LCORL: variants seen among roughly 807,000 people sequenced by gnomAD.
LCORL encodes the protein ligand dependent nuclear receptor corepressor like, also known as ligand-dependent nuclear receptor corepressor-like protein.
A neutral mutation model predicts 141.8 loss-of-function variants in LCORL; 41 were observed. That is an observed-to-expected ratio of 0.29 (90% confidence interval 0.23 to 0.38). LCORL has a LOEUF of 0.38. Among genes scored for constraint, LCORL ranks in the 10% least tolerant of loss-of-function variants. The pLI is 1.00. For missense variants in LCORL, 1,759 were observed against 2,035.0 expected (o/e 0.86, Z 2.61); for synonymous variants, 618 against 694.1 (o/e 0.89, Z 1.72).
chr4:17,865,234 G>T (rs979469492), intron 7 of LCORL, among the ~76,000 whole-genome samples: 6 of 152,220 alleles, frequency 3.9e-5, no homozygotes, highest in Middle Eastern at 3.4e-3. Flanking sequence ...ACTTAGATTT[G>T]CATAGATTCT....
intron 7 of LCORL, among the ~76,000 whole-genome samples, chr4:17,864,194 A>T (rs568736981): frequency 3.3e-5 from 5 of 152,184 alleles, no homozygotes; most frequent in Admixed American, 3.3e-4. Context: ...TAGAACCCTG[A>T]TAAGTTAATG....
intron 1 of LCORL, among the ~76,000 whole-genome samples, chr4:18,010,174 A>G (rs1464092626): frequency 2.6e-5 from 4 of 152,212 alleles, no homozygotes; most frequent in Non-Finnish European, 5.9e-5. Flanking sequence ...CTAAGTTTAA[A>G]AAGTTAATTG....
At chr4:17,856,413 A>G (rs1014687283) in intron 7 of LCORL, among the ~76,000 whole-genome samples, 1 of 152,216 alleles carries the variant, frequency 6.6e-6, no homozygotes, top group Non-Finnish European at 1.5e-5. Context: ...GTGAGGACAC[A>G]GCAAGAAGGT....
intron 7 of LCORL, among the ~76,000 whole-genome samples, chr4:17,871,792 C>T (rs1311565891): frequency 6.6e-6 from 1 of 150,630 alleles, no homozygotes; most frequent in Non-Finnish European, 1.5e-5. Flanking sequence ...TTTAGTTATC[C>T]TAAGAACAAG....
chr4:17,891,345 TAAA>T (rs1560297608), intron 5 of LCORL, among the ~76,000 whole-genome samples: 1 of 152,040 alleles, frequency 6.6e-6, no homozygotes, highest in Admixed American at 6.6e-5. Flanking sequence ...TCCTGTCTCT[TAAA>T]AAACACAAAA....
In LCORL at chr4:17,874,797, T is replaced by C. The variant is rs553793681; in HGVS notation, c.4193A>G (p.Lys1398Arg). ...TACTAATTTATTATCTTCCAAACAC[T>C]TTTTTGCATTCCGCGAAAGTCTGTT... is the stretch of plus-strand genomic sequence containing the variant. The change falls in exon 7 of 8, where the codon AAG becomes AGG. Residue 1398 changes from lysine (K) to arginine (R), a missense_variant. Coordinates refer to ENST00000635767, the Ensembl canonical transcript of LCORL. 1.5e-5 allele frequency: 18 copies of C among 1,233,828 alleles called. No homozygotes were observed. The South Asian group carries it at 6.6e-4, about 45-fold the overall frequency. The allele number at this position is 1,233,828 out of a possible 1,614,324, so 76.4% of individuals were successfully genotyped here.
At chr4:17,978,817 TTC>T (rs1178538081) in intron 1 of LCORL, among the ~76,000 whole-genome samples, 2 of 152,192 alleles carry the variant, frequency 1.3e-5, no homozygotes, top group African/African-American at 4.8e-5. Flanking sequence ...CTTGAGCTCT[TTC>T]TCTCTGCAGC....
chr4:17,970,485 A>G (rs1005665445), intron 2 of LCORL, among the ~76,000 whole-genome samples: 1 of 152,192 alleles, frequency 6.6e-6, no homozygotes, highest in Non-Finnish European at 1.5e-5. Flanking sequence ...CTGAATACAC[A>G]AGGTAGTATT....
intron 1 of LCORL, among the ~76,000 whole-genome samples, chr4:17,993,936 G>C (rs1720476930): frequency 6.6e-6 from 1 of 152,184 alleles, no homozygotes; most frequent in South Asian, 2.1e-4. Context: ...TTTGAGGTGG[G>C]AGTGAGAGAA....
intron 6 of LCORL, chr4:17,883,987 C>A: frequency 6.4e-7 from 1 of 1,550,816 alleles, no homozygotes; most frequent in African/African-American, 1.4e-5. Flanking sequence ...TTTTCCTGGG[C>A]TGCTTACTGT....
chr4:17,936,718 A>G (rs1736922786), intron 4 of LCORL, among the ~76,000 whole-genome samples: 1 of 152,188 alleles, frequency 6.6e-6, no homozygotes, highest in East Asian at 1.9e-4. Context: ...AACGGAGAAT[A>G]TTTTGATGCA....
chr4:17,875,787 C>A, exon 7 of LCORL: 1 of 1,231,126 alleles, frequency 8.1e-7, no homozygotes, highest in East Asian at 3.2e-5. Context: ...ATCAGTAGCA[C>A]TGCTTGAATT....
intron 4 of LCORL, among the ~76,000 whole-genome samples, chr4:17,914,958 CG>C (rs1560334690): frequency 6.6e-6 from 1 of 152,078 alleles, no homozygotes; most frequent in African/African-American, 2.4e-5. Context: ...TAACCAATAG[CG>C]TACTGCCCAA....
chr4:17,997,022 G>A (rs1418293835), intron 1 of LCORL, among the ~76,000 whole-genome samples: 3 of 152,028 alleles, frequency 2.0e-5, no homozygotes, highest in Admixed American at 6.6e-5. Context: ...AACCCATGAC[G>A]CTGTTTAAAC....
intron 4 of LCORL, among the ~76,000 whole-genome samples, chr4:17,939,629 T>C (rs1158555295): frequency 1.3e-5 from 2 of 151,766 alleles, no homozygotes; most frequent in African/African-American, 2.4e-5. Flanking sequence ...TAACTCTGGG[T>C]GAGTAGGAAA....
At chr4:17,881,086 C>T (rs1290087970) in intron 6 of LCORL, 3 of 981,762 alleles carry the variant, frequency 3.1e-6, no homozygotes, top group Non-Finnish European at 3.6e-6. Flanking sequence ...TCATTAGCTA[C>T]CAGAAATGGT....
chr4:17,963,572 C>T (rs1005437156), intron 2 of LCORL, among the ~76,000 whole-genome samples: 1 of 151,656 alleles, frequency 6.6e-6, no homozygotes, highest in African/African-American at 2.4e-5. Context: ...TGTTTAAAGG[C>T]TTTGTTGCAA....
intron 1 of LCORL, among the ~76,000 whole-genome samples, chr4:18,018,920 CA>C (rs1725055872): frequency 6.6e-6 from 1 of 152,074 alleles, no homozygotes; most frequent in South Asian, 2.1e-4. Context: ...TATACACATG[CA>C]AAGGGAAAAT....
exon 7 of LCORL, chr4:17,876,961 G>T: frequency 8.1e-7 from 1 of 1,230,568 alleles, no homozygotes; most frequent in African/African-American, 1.6e-5. Context: ...TTAGAATTTT[G>T]TAAAGAAGGC....
Sources: gnomAD v4.1 joint callset for allele counts (sites outside exome capture counted in the v4.1 genomes callset) on GRCh38, gnomAD v4.1.1 for gene constraint, MANE v1.5 for transcripts, NCBI Gene and HGNC (gene_info 2026-07-23, HGNC 2026-07-21) for gene names.